The following CLEC7A variants were observed in gnomAD, a reference collection of about 807,000 sequenced individuals.
The protein encoded by CLEC7A is C-type lectin domain containing 7A, also known as C-type lectin domain family 7 member A.
In CLEC7A, 25 loss-of-function variants were observed where a neutral mutation model predicts 26.9. That is an observed-to-expected ratio of 0.93 (90% CI 0.68 to 1.30). The LOEUF (loss-of-function observed/expected upper bound fraction) is 1.30, where lower values mean the gene tolerates loss of function less well. Among genes scored for constraint, CLEC7A ranks in the 50% most tolerant of loss-of-function variants. CLEC7A has a pLI of 0.00. For synonymous variants in CLEC7A, 100 were observed against 99.5 expected, an observed-to-expected ratio of 1.01 and a Z score of -0.03; for missense variants, 275 against 286.7, an observed-to-expected ratio of 0.96 and a Z score of 0.29.
chr12:10,125,840 C>T (rs1209992158), intron 3 of CLEC7A, among the ~76,000 whole-genome samples: 2 of 152,160 alleles, frequency 1.3e-5, no homozygotes, highest in African/African-American at 4.8e-5. Context: ...AGATCTACTT[C>T]ATAATGTGAC....
rs1422130213 is a variant in CLEC7A at position 10,121,424 on chromosome 12, C to T, written c.611+1821G>A. On this transcript the variant is annotated intron_variant, in intron 5 of 5. Transcript: ENST00000304084. ...ATGTTTACAGAACTGTAAGTAGAAT[C>T]GCAGCGGAAGATTTCAACACAATTC... Among the ~76,000 whole-genome samples the T allele has an allele frequency of 2.0e-5, 3 of 152,126 alleles. No individual in the cohort carries two copies. In the South Asian group the frequency reaches 6.2e-4, roughly 31 times the overall value.
chr12:10,118,649 T>A, intron 5 of CLEC7A, 59 bp from the exon 6 acceptor site: 1 of 1,425,148 alleles, frequency 7.0e-7, no homozygotes, highest in Non-Finnish European at 9.7e-7. Context: ...ACTGTCTACA[T>A]GGCGCACAAA....
chr12:10,123,677 C>G (rs1286748078), intron 4 of CLEC7A, among the ~76,000 whole-genome samples: 1 of 138,178 alleles, frequency 7.2e-6, no homozygotes, highest in Non-Finnish European at 1.5e-5. Context: ...AGGAGAATGG[C>G]ATGAACCCGG....
At chr12:10,124,883 G>A (rs995909519) in intron 4 of CLEC7A, 2 of 182,512 alleles carry the variant, frequency 1.1e-5, no homozygotes, top group Admixed American at 1.1e-4. Context: ...GGCATGCTAT[G>A]ATTATAATTA....
chr12:10,130,260 A>T, upstream of CLEC7A: 1 of 473,126 alleles, frequency 2.1e-6, no homozygotes, highest in Non-Finnish European at 3.8e-6. Context: ...GCAGGAAATG[A>T]AACTATGCTG....
chr12:10,118,534 A>G lies in CLEC7A; in HGVS notation c.668T>C (p.Ile223Thr). 2.5e-6 allele frequency: 4 copies of G among 1,612,918 alleles called. No homozygotes were observed. Among genetic ancestry groups the G allele is most frequent in the Non-Finnish European group, 3.4e-6 (4 of 1,178,902 alleles). ...QENPSPNCVW[I>T]HVSVIYDQLC... ...TTGGTCATAAATGACTGACACGTGA[A>G]TCCATACACAATTTGGAGATGGGTT... The change falls in exon 6 of 6, where the codon ATT becomes ACT. Residue 223 changes from isoleucine to threonine, a missense_variant. Coordinates refer to ENST00000304084, the MANE Select transcript of CLEC7A (RefSeq NM_197947.3).
chr12:10,127,527 C>G (rs747966516), intron 2 of CLEC7A: 2 of 1,299,490 alleles, frequency 1.5e-6, no homozygotes, highest in Non-Finnish European at 2.2e-6. Context: ...ATGGTCCCAC[C>G]ACTAACTAGC....
At chr12:10,126,944 G>T in intron 2 of CLEC7A, 1 of 923,850 alleles carries the variant, frequency 1.1e-6, no homozygotes, top group Non-Finnish European at 1.5e-6. Context: ...AAAAAAGAAG[G>T]TGGAGAAGAA....
intron 4 of CLEC7A, among the ~76,000 whole-genome samples, chr12:10,123,736 C>A (rs1163501784): frequency 2.3e-5 from 3 of 129,464 alleles, no homozygotes; most frequent in African/African-American, 1.1e-4. Context: ...AGTCCGCAGT[C>A]CGGCCTGGGC....
intron 5 of CLEC7A, among the ~76,000 whole-genome samples, chr12:10,122,481 T>TTC (rs1948118637): frequency 7.2e-6 from 1 of 139,188 alleles, no homozygotes; most frequent in Non-Finnish European, 1.5e-5. Flanking sequence ...TCTTTCTTTT[T>TTC]TTCTTTTTTT....
At chr12:10,126,433 G>A (rs760503029) in intron 3 of CLEC7A, 138 bp downstream of exon 3, 106 of 1,428,836 alleles carry the variant, frequency 7.4e-5, no homozygotes, top group Non-Finnish European at 9.7e-5. Context: ...ATTACACTAA[G>A]GTAATACTAA....
chr12:10,123,326 T>G lies in CLEC7A; in HGVS notation c.530A>C (p.Asn177Thr), dbSNP rs746011994. 5 of 1,612,348 alleles carry G rather than the reference T, an allele frequency of 3.1e-6. No individual in the cohort carries two copies. In the South Asian group the frequency reaches 5.5e-5, roughly 18 times the overall value. Reference sequence around the variant, plus strand: ...CCGAGAAAGGCCTATCCAAAATGAATTATCAGGTTGGGAAGACACTTGTTT... The same window carrying G: ...CCGAGAAAGGCCTATCCAAAATGAAGTATCAGGTTGGGAAGACACTTGTTT... ...IVKQVSSQPDNSFWIGLSRPQ... is the reference protein window; with the variant it reads ...IVKQVSSQPDTSFWIGLSRPQ... The change falls in exon 5 of 6, where the codon AAT becomes ACT. Residue 177 changes from asparagine (N) to threonine (T), a missense_variant. By Grantham distance (65) the Asn-to-Thr change is moderately conservative. Coordinates refer to ENST00000304084, the MANE Select transcript of CLEC7A (RefSeq NM_197947.3).
chr12:10,130,166 G>A lies in CLEC7A; in HGVS notation c.-84C>T. On this transcript the variant is annotated 5_prime_UTR_variant, in exon 1 of 6. Coordinates refer to ENST00000304084, the MANE Select transcript of CLEC7A (RefSeq NM_197947.3). ...GAGATGACTGTCTGTGGACAAAAGA[G>A]AATCTCTGAGTCAAATCATGTGGGC... The A allele has an allele frequency of 1.5e-6, 1 of 668,108 alleles. No homozygotes were observed. Among genetic ancestry groups the A allele is most frequent in the Non-Finnish European group, 2.7e-6 (1 of 375,782 alleles). 41.4% of individuals were successfully genotyped at this position (668,108 alleles called of 1,614,324 possible). A position where few individuals can be genotyped will look rare whatever the true frequency, so the allele number is the denominator to read the frequency against.
At chr12:10,123,767 CAAAA>C (rs372400404) in intron 4 of CLEC7A, among the ~76,000 whole-genome samples, 1 of 124,684 alleles carries the variant, frequency 8.0e-6, no homozygotes. Flanking sequence ...GACTCCGTCT[CAAAA>C]AAAAAAAAAA....
intron 1 of CLEC7A, among the ~76,000 whole-genome samples, chr12:10,129,734 C>G (rs1272603858): frequency 2.0e-5 from 3 of 152,178 alleles, no homozygotes; most frequent in Non-Finnish European, 2.9e-5. Context: ...TCTCCTGCCT[C>G]AGCCTCCCAA....
chr12:10,125,772 T>A (rs1948261937), intron 3 of CLEC7A, among the ~76,000 whole-genome samples: 1 of 152,170 alleles, frequency 6.6e-6, no homozygotes, highest in Admixed American at 6.5e-5. Context: ...ATAAGTCCAC[T>A]CACAATCAGT....
At chr12:10,129,763 G>A (rs1464686039) in intron 1 of CLEC7A, among the ~76,000 whole-genome samples, 3 of 151,930 alleles carry the variant, frequency 2.0e-5, no homozygotes, top group Admixed American at 6.6e-5. Context: ...AACTACAGGC[G>A]TGCACCACCA....
At position 10,125,362 on chromosome 12, in the gene CLEC7A, C is replaced by T. The variant is rs1948244021; in HGVS notation, c.427G>A (p.Gly143Arg). ...AGTTGCCAGCATTGTCTTTTACTTC[C>T]ATCCCAGGAATTTAGTGACATGCTG... ...LFSMSLNSWD[G>R]SKRQCWQLGS... Residue 143 changes from glycine to arginine, a missense_variant, in exon 4 of 6, where the codon GGA becomes AGA. Coordinates refer to ENST00000304084, the MANE Select transcript of CLEC7A (RefSeq NM_197947.3). 1 of 1,613,590 alleles carries T rather than the reference C, an allele frequency of 6.2e-7. No homozygotes were observed. Among genetic ancestry groups the T allele is most frequent in the Non-Finnish European group, 8.5e-7 (1 of 1,179,800 alleles).
intron 2 of CLEC7A, chr12:10,127,324 T>G: frequency 6.5e-7 from 1 of 1,530,570 alleles, no homozygotes; most frequent in Non-Finnish European, 8.9e-7. Context: ...AAAAATAGCT[T>G]AATGTCCATT....
Sources: gnomAD v4.1 joint callset for allele counts (sites outside exome capture counted in the v4.1 genomes callset) on GRCh38, gnomAD v4.1.1 for gene constraint, MANE v1.5 for transcripts, NCBI Gene and HGNC (gene_info 2026-07-23, HGNC 2026-07-21) for gene names.